The following RPS6KA2 variants were observed in gnomAD, a reference collection of about 807,000 sequenced individuals.
The protein encoded by RPS6KA2 is ribosomal protein S6 kinase A2.
RPS6KA2 carries 42 observed loss-of-function variants against 91.8 expected under a neutral mutation model. That is an observed-to-expected ratio of 0.46 (90% CI 0.36 to 0.59). RPS6KA2 has a LOEUF of 0.59. Among genes scored for constraint, RPS6KA2 ranks in the 20% least tolerant of loss-of-function variants. RPS6KA2 has a pLI of 0.00. For synonymous variants in RPS6KA2, 414 were observed against 393.6 expected, an observed-to-expected ratio of 1.05 and a Z score of -0.61; for missense variants, 798 against 978.5, an observed-to-expected ratio of 0.82 and a Z score of 2.46.
chr6:166,417,485 C>T (rs1392529811), intron 19 of RPS6KA2, among the ~76,000 whole-genome samples: 2 of 152,182 alleles, frequency 1.3e-5, no homozygotes, highest in African/African-American at 4.8e-5. Flanking sequence ...AATTCTGTGG[C>T]AGATAGCCTG....
Position 166,627,038 on chromosome 6 carries a change from G to C in RPS6KA2, c.-19C>G. 7.0e-7 allele frequency: 1 copy of C among 1,430,860 alleles called. No homozygotes were observed. The highest frequency in any genetic ancestry group is 9.3e-7 in the Non-Finnish European group (1 of 1,078,456). The allele number at this position is 1,430,860 out of a possible 1,614,324, so 88.6% of individuals were successfully genotyped here. ...GGTCCATCGCCCCGCGCCCAGCCCG[G>C]AGCAGCCGCAGGGCCGGGGGACGCG... On this transcript the variant is annotated 5_prime_UTR_variant, in exon 1 of 21. Transcript: ENST00000265678.
chr6:166,742,112 A>T (rs896793306), intron 2 of RPS6KA2, among the ~76,000 whole-genome samples: 3 of 152,148 alleles, frequency 2.0e-5, no homozygotes, highest in Admixed American at 6.5e-5. Context: ...CAGCCTGGGT[A>T]ACAGAGCGAG....
At chr6:166,627,394 C>G (rs927436603), upstream of RPS6KA2, 1 of 210,158 alleles carries the variant, frequency 4.8e-6, no homozygotes, top group Middle Eastern at 2.5e-3. Flanking sequence ...CTCACCACCC[C>G]TCCCGTTCCC....
At position 166,825,444 on chromosome 6, in the gene RPS6KA2, G is replaced by A. The variant is rs1780028195; in HGVS notation, c.123+32756C>T. ...GGAATACAGCAGAGAGGGACCCCTG[G>A]GCAGGCCTGCTTCCCCTGACATGAC... On this transcript the variant is annotated intron_variant, in intron 2 of 21. Transcript: ENST00000503859. This position sits in a 1 kb window ranked among gnomAD's most constrained non-coding sequence, Gnocchi z 4.1. Among the ~76,000 whole-genome samples, 1 of 152,188 alleles carries A rather than the reference G, an allele frequency of 6.6e-6. No individual in the cohort carries two copies. The highest frequency in any genetic ancestry group is 1.5e-5 in the Non-Finnish European group (1 of 68,032).
Position 166,577,462 on chromosome 6 carries a change from C to T in RPS6KA2, c.100-38678G>A, listed in dbSNP as rs974100834. 2.0e-5 allele frequency among the ~76,000 whole-genome samples: 3 copies of T among 152,232 alleles called. No individual in the cohort carries two copies. In the East Asian group the frequency reaches 5.8e-4, roughly 29 times the overall value. On this transcript the variant is annotated intron_variant, in intron 1 of 20. Coordinates refer to ENST00000265678, the MANE Select transcript of RPS6KA2 (RefSeq NM_021135.6). ...GCTGCCCAAGACCATGGGAACCCAC[C>T]TCTTGCATCAGCATGACCCGGAAGT...
At chr6:166,592,417 A>C (rs1459400525) in intron 1 of RPS6KA2, among the ~76,000 whole-genome samples, 2 of 152,204 alleles carry the variant, frequency 1.3e-5, no homozygotes, top group African/African-American at 4.8e-5. Flanking sequence ...GGCTAGGCAG[A>C]ATCTGTGAAT....
chr6:166,604,842 G>T (rs962522980), intron 1 of RPS6KA2, among the ~76,000 whole-genome samples: 1 of 152,194 alleles, frequency 6.6e-6, no homozygotes. Flanking sequence ...GGCATCCCTT[G>T]GGTGGTCACG....
At chr6:166,458,263 TG>T (rs1780167816) in intron 12 of RPS6KA2, among the ~76,000 whole-genome samples, 2 of 152,174 alleles carry the variant, frequency 1.3e-5, no homozygotes, top group African/African-American at 2.4e-5. Context: ...GACTGAATTA[TG>T]GGGGTGGGTC....
chr6:166,618,515 G>A (rs1786499578), intron 1 of RPS6KA2, among the ~76,000 whole-genome samples: 1 of 152,174 alleles, frequency 6.6e-6, no homozygotes, highest in African/African-American at 2.4e-5. Context: ...GTGACCTGGA[G>A]GGAGGTCAGC....
At chr6:166,704,424 A>C (rs1361318224) in intron 2 of RPS6KA2, among the ~76,000 whole-genome samples, 3 of 152,230 alleles carry the variant, frequency 2.0e-5, no homozygotes, top group African/African-American at 7.2e-5. Flanking sequence ...TAACTGATAG[A>C]CTTAGCGACT....
chr6:166,792,361 A>C (rs1386912785), intron 2 of RPS6KA2, among the ~76,000 whole-genome samples: 1 of 142,768 alleles, frequency 7.0e-6, no homozygotes, highest in Admixed American at 7.0e-5. Context: ...GGCAATAATT[A>C]ATAGCCTACC....
rs926060887 is a variant in RPS6KA2, at chr6:166,770,514, C to T, written c.123+87686G>A. Among the ~76,000 whole-genome samples, 4 of 152,132 alleles carry T rather than the reference C, an allele frequency of 2.6e-5. No homozygotes were observed. Among genetic ancestry groups the T allele is most frequent in the Non-Finnish European group, 5.9e-5 (4 of 68,022 alleles). On this transcript the variant is annotated intron_variant, in intron 2 of 21. Transcript: ENST00000503859. This position sits in a 1 kb window ranked among gnomAD's most constrained non-coding sequence, Gnocchi z 5.1. Reference sequence around the variant, plus strand: ...GTAATTTCAGCTTATTTTGAAGGCACGTCGTAGTTTTAAAAGGAATATTGG... The same window carrying T: ...GTAATTTCAGCTTATTTTGAAGGCATGTCGTAGTTTTAAAAGGAATATTGG...
At chr6:166,595,341 C>A (rs527579848) in intron 1 of RPS6KA2, among the ~76,000 whole-genome samples, 1 of 152,182 alleles carries the variant, frequency 6.6e-6, no homozygotes, top group Non-Finnish European at 1.5e-5. Flanking sequence ...CATGAGCCAC[C>A]GTGCCCAGCC....
At position 166,513,202 on chromosome 6, in the gene RPS6KA2, C is replaced by G. The variant is rs144016416; in HGVS notation, c.299-2845G>C. Among the ~76,000 whole-genome samples the G allele has an allele frequency of 1.1e-3, 167 of 152,300 alleles. 1 individual carries two copies. The highest frequency in any genetic ancestry group is 1.8e-3 in the Non-Finnish European group (123 of 68,022). ...CAAGCTGTGGGTTGGACAAGCTTGC[C>G]TTAGAGTCTAGACAGGCATCGAGTA... On this transcript the variant is annotated intron_variant, in intron 3 of 20. Transcript: ENST00000265678.
intron 12 of RPS6KA2, among the ~76,000 whole-genome samples, chr6:166,454,278 T>C (rs986734461): frequency 6.6e-6 from 1 of 152,138 alleles, no homozygotes. Flanking sequence ...GGTGGGCAGA[T>C]CACGAGGTCA....
intron 11 of RPS6KA2, among the ~76,000 whole-genome samples, chr6:166,464,642 C>T (rs1204183303): frequency 6.6e-6 from 1 of 152,186 alleles, no homozygotes; most frequent in Admixed American, 6.5e-5. Context: ...CAGTGATTAA[C>T]TTTTACGAAG....
intron 2 of RPS6KA2, among the ~76,000 whole-genome samples, chr6:166,644,564 A>C (rs1787549847): frequency 6.6e-6 from 1 of 152,222 alleles, no homozygotes; most frequent in South Asian, 2.1e-4. Context: ...GATCTGACTT[A>C]AGTTGCGTGA....
intron 12 of RPS6KA2, among the ~76,000 whole-genome samples, chr6:166,455,504 C>T (rs1780073326): frequency 1.3e-5 from 2 of 152,206 alleles, no homozygotes; most frequent in Admixed American, 6.5e-5. Context: ...TTCACAGTCA[C>T]CCCAGGTAGA....
Position 166,521,543 on chromosome 6 carries a change from C to T in RPS6KA2, c.298+9689G>A, listed in dbSNP as rs190400250. On this transcript the variant is annotated intron_variant, in intron 3 of 20. Coordinates refer to ENST00000265678, the MANE Select transcript of RPS6KA2 (RefSeq NM_021135.6). ...TCCTTTCGGAAAGAAAATGTCTGTC[C>T]TATGCTGGTCCCACCACGGGATTTC... 9.2e-4 allele frequency among the ~76,000 whole-genome samples: 140 copies of T among 152,312 alleles called. 1 individual carries two copies. The highest frequency in any genetic ancestry group is 3.3e-3 in the African/African-American group (136 of 41,552).
Sources: gnomAD v4.1 joint callset for allele counts (sites outside exome capture counted in the v4.1 genomes callset) on GRCh38, gnomAD v4.1.1 for gene constraint, Gnocchi (gnomAD v3.1) non-coding constraint, MANE v1.5 for transcripts, NCBI Gene and HGNC (gene_info 2026-07-23, HGNC 2026-07-21) for gene names.